Variants in GRM1 observed in about 807,000 individuals in gnomAD.
GRM1 encodes the protein metabotropic glutamate receptor 1.
Under a neutral mutation model 90.9 loss-of-function variants are expected in GRM1, and 33 were observed. The observed-to-expected ratio is 0.36, with a 90% CI of 0.28 to 0.49. The LOEUF (loss-of-function observed/expected upper bound fraction) is 0.49. Among genes scored for constraint, GRM1 ranks in the 20% least tolerant of loss-of-function variants. The pLI is 0.99. For synonymous variants in GRM1, 700 were observed against 613.2 expected (o/e 1.14, Z -2.09); for missense variants, 1,190 against 1,534.3 (o/e 0.78, Z 3.75).
intron 2 of GRM1, among the ~76,000 whole-genome samples, chr6:146,171,062 A>C (rs529356378): frequency 2.0e-5 from 3 of 152,194 alleles, no homozygotes; most frequent in African/African-American, 7.2e-5. Context: ...TATATGAGAA[A>C]ACCATGGCTC....
intron 2 of GRM1, among the ~76,000 whole-genome samples, chr6:146,201,013 G>A (rs1447718548): frequency 1.3e-5 from 2 of 152,124 alleles, no homozygotes; most frequent in African/African-American, 4.8e-5. Context: ...ACATGGTGGT[G>A]GTTCTGTGTT....
In GRM1 at chr6:146,191,362, A is replaced by G. The variant is rs147698640; in HGVS notation, c.950+31765A>G. ...TTTGGCATAGTGTCTGGCACAGGTGATGAAGCCTGTGCTATTAGTGAGTGA... is the reference window on the plus strand; with the variant it reads ...TTTGGCATAGTGTCTGGCACAGGTGGTGAAGCCTGTGCTATTAGTGAGTGA... On this transcript the variant is annotated intron_variant, in intron 2 of 7. Transcript: ENST00000282753. Among the ~76,000 whole-genome samples the G allele has an allele frequency of 5.0e-3, 761 of 152,310 alleles. 5 individuals carry two copies. Among genetic ancestry groups the G allele is most frequent in the African/African-American group, 0.018 (731 of 41,558 alleles).
At chr6:146,432,300 C>A (rs1301495971) in intron 7 of GRM1, among the ~76,000 whole-genome samples, 1 of 152,152 alleles carries the variant, frequency 6.6e-6, no homozygotes, top group Non-Finnish European at 1.5e-5. Flanking sequence ...TATTTTAGAG[C>A]CTTTATATCC....
intron 1 of GRM1, 142 bp from the exon 2 acceptor site, chr6:146,159,206 C>A: frequency 2.1e-6 from 2 of 930,616 alleles, no homozygotes; most frequent in South Asian, 1.4e-5. Context: ...CCATCCAGAT[C>A]TTCCGTCAGT....
At chr6:146,252,707 CAT>C (rs1473978106) in intron 2 of GRM1, among the ~76,000 whole-genome samples, 1 of 152,162 alleles carries the variant, frequency 6.6e-6, no homozygotes, top group Non-Finnish European at 1.5e-5. Context: ...GTTGAAAAAA[CAT>C]GTGCAAAAGC....
chr6:146,029,152 T>C lies in GRM1; in HGVS notation c.-366T>C, dbSNP rs1228911259. 1.4e-5 allele frequency: 5 copies of C among 356,954 alleles called. No individual in the cohort carries two copies. Among genetic ancestry groups the C allele is most frequent in the African/African-American group, 2.1e-5 (1 of 47,396 alleles). 22.1% of individuals were successfully genotyped at this position (356,954 alleles called of 1,614,324 possible). A position where few individuals can be genotyped will look rare whatever the true frequency, so the allele number is the denominator to read the frequency against. ...ATAGACCCCAGAGTTTTAACACAGG[T>C]CCTCTGATGACAAGGTTGTGATTTT... On this transcript the variant is annotated 5_prime_UTR_variant, in exon 1 of 8. Transcript: ENST00000282753.
intron 2 of GRM1, among the ~76,000 whole-genome samples, chr6:146,263,827 A>G (rs1781781280): frequency 6.6e-6 from 1 of 152,110 alleles, no homozygotes; most frequent in African/African-American, 2.4e-5. Context: ...TTTTCTCATG[A>G]AAAAAGGAAC....
intron 5 of GRM1, among the ~76,000 whole-genome samples, chr6:146,379,875 G>T (rs1378418377): frequency 1.3e-5 from 2 of 151,104 alleles, no homozygotes; most frequent in African/African-American, 4.9e-5. Context: ...CAAGTCTCTG[G>T]GTTACCAGAG....
chr6:146,057,699 A>T (rs576282747), intron 1 of GRM1, among the ~76,000 whole-genome samples: 4 of 152,178 alleles, frequency 2.6e-5, no homozygotes, highest in Admixed American at 2.0e-4. Context: ...GTTCTCTTCT[A>T]CCATTCCTTC....
chr6:146,141,941 C>T (rs1440577309), intron 1 of GRM1, among the ~76,000 whole-genome samples: 2 of 152,068 alleles, frequency 1.3e-5, no homozygotes, highest in Admixed American at 1.3e-4. Context: ...AGTCTTAACG[C>T]TTGTGGAATT....
intron 3 of GRM1, among the ~76,000 whole-genome samples, chr6:146,349,177 C>T (rs1342906105): frequency 6.6e-6 from 1 of 150,792 alleles, no homozygotes; most frequent in Non-Finnish European, 1.5e-5. Context: ...CGCCATTCTC[C>T]TGCCTCAGCC....
rs1229217646 is a variant in GRM1 at position 146,436,235 on chromosome 6, A to G, written c.*1439A>G. 6.6e-6 allele frequency: 1 copy of G among 152,350 alleles called. No homozygotes were observed. The highest frequency in any genetic ancestry group is 2.4e-5 in the African/African-American group (1 of 41,450). The allele number at this position is 152,350 out of a possible 1,614,324, so 9.4% of individuals were successfully genotyped here. ...GAATACTATGGCTCAAGGTTTTCAT[A>G]TGCAGCTCGGATGGACATTTTTCTT... On this transcript the variant is annotated 3_prime_UTR_variant, in exon 8 of 8. Transcript: ENST00000282753.
rs75884346 is a variant in GRM1, at chr6:146,376,763, G to A, written c.1603-10127G>A. ...AGTGCCTTGAGGTAGTCTTCTTTGG[G>A]TTCAAACTGCTCAGAGTTCTATAAC... On this transcript the variant is annotated intron_variant, in intron 5 of 7. Coordinates refer to ENST00000282753, the MANE Select transcript of GRM1 (RefSeq NM_001278064.2). Among the ~76,000 whole-genome samples the A allele has an allele frequency of 6.1e-3, 925 of 152,098 alleles. 35 individuals carry two copies. The East Asian group carries it at 0.11, about 18-fold the overall frequency.
At chr6:146,353,642 G>A (rs1210657341) in intron 4 of GRM1, among the ~76,000 whole-genome samples, 1 of 152,084 alleles carries the variant, frequency 6.6e-6, no homozygotes, top group Non-Finnish European at 1.5e-5. Flanking sequence ...CTTCTTTTCG[G>A]TTTTTGAGAA....
intron 7 of GRM1, among the ~76,000 whole-genome samples, chr6:146,407,849 C>G (rs1218000797): frequency 6.6e-6 from 1 of 152,048 alleles, no homozygotes; most frequent in East Asian, 1.9e-4. Context: ...AGCCCATTCC[C>G]AAAAAATTCA....
At chr6:146,122,625 T>C (rs777445805) in intron 1 of GRM1, among the ~76,000 whole-genome samples, 3 of 152,092 alleles carry the variant, frequency 2.0e-5, no homozygotes, top group Non-Finnish European at 2.9e-5. Flanking sequence ...CAGCACAAAC[T>C]TCCATTTCAC....
intron 2 of GRM1, among the ~76,000 whole-genome samples, chr6:146,263,920 T>C (rs1294893249): frequency 1.3e-5 from 2 of 152,142 alleles, no homozygotes; most frequent in Non-Finnish European, 2.9e-5. Context: ...TCTTTTACTG[T>C]TGGCAATATA....
chr6:146,416,137 A>G (rs1777774361), intron 7 of GRM1, among the ~76,000 whole-genome samples: 1 of 152,146 alleles, frequency 6.6e-6, no homozygotes, highest in Non-Finnish European at 1.5e-5. Context: ...TGCAGCATGT[A>G]AGTTTGATTT....
At chr6:146,389,932 C>A (rs2114541162) in intron 6 of GRM1, among the ~76,000 whole-genome samples, 1 of 152,038 alleles carries the variant, frequency 6.6e-6, no homozygotes, top group East Asian at 1.9e-4. Context: ...AGGGCATAGT[C>A]CGTGCCAATG....
Sources: gnomAD v4.1 joint callset for allele counts (sites outside exome capture counted in the v4.1 genomes callset) on GRCh38, gnomAD v4.1.1 for gene constraint, MANE v1.5 for transcripts, NCBI Gene and HGNC (gene_info 2026-07-23, HGNC 2026-07-21) for gene names.